The following KMT2E variants were observed in gnomAD, a reference collection of about 807,000 sequenced individuals.
The protein encoded by KMT2E is lysine methyltransferase 2E (inactive), also known as histone reader KMT2E.
Under a neutral mutation model 184.6 loss-of-function variants are expected in KMT2E, and 30 were observed. The observed-to-expected ratio is 0.16, with a 90% CI of 0.12 to 0.22. KMT2E has a LOEUF of 0.22. Among genes scored for constraint, KMT2E ranks in the 10% least tolerant of loss-of-function variants. The pLI is 1.00. For synonymous variants in KMT2E, 815 were observed against 776.5 expected, an observed-to-expected ratio of 1.05 and a Z score of -0.82; for missense variants, 2,023 against 2,237.4, an observed-to-expected ratio of 0.90 and a Z score of 1.93.
At chr7:105,084,879 T>C (rs956785457) in intron 13 of KMT2E, among the ~76,000 whole-genome samples, 14 of 152,296 alleles carry the variant, frequency 9.2e-5, no homozygotes, top group African/African-American at 3.4e-4. Flanking sequence ...TTTAATAATA[T>C]GTCTTTACAT....
At chr7:105,029,395 G>T (rs1453766307) in intron 1 of KMT2E, among the ~76,000 whole-genome samples, 1 of 152,214 alleles carries the variant, frequency 6.6e-6, no homozygotes, top group Non-Finnish European at 1.5e-5. Flanking sequence ...TTAAATGAAT[G>T]AATTTGATTT....
rs1799486468 is a variant in KMT2E at position 105,114,155 on chromosome 7, T to C, written c.*822T>C. The stretch of plus-strand genomic sequence containing the variant: ...CTACAGAAGTTCTAGTTTTCAAATA[T>C]AGATTGTAAGGAGCCTTCAATTTTC... On this transcript the variant is annotated 3_prime_UTR_variant, in exon 27 of 27. Coordinates refer to ENST00000311117, the MANE Select transcript of KMT2E (RefSeq NM_182931.3). 1 of 152,360 alleles carries C rather than the reference T, an allele frequency of 6.6e-6. No homozygotes were observed. Among genetic ancestry groups the C allele is most frequent in the South Asian group, 2.1e-4 (1 of 4,828 alleles). 9.4% of individuals were successfully genotyped at this position (152,360 alleles called of 1,614,324 possible). A position where few individuals can be genotyped will look rare whatever the true frequency, so the allele number is the denominator to read the frequency against.
chr7:105,111,061 C>G (rs1268364838), intron 26 of KMT2E, 193 bp downstream of exon 26: 3 of 566,874 alleles, frequency 5.3e-6, no homozygotes, highest in Non-Finnish European at 9.3e-6. Context: ...ATGGATAACT[C>G]TGACCAAACA....
Position 105,110,887 on chromosome 7 carries a change from C to A in KMT2E, c.4068+19C>A. ...GAGCAAGGTAATAACATTGACCTTT[C>A]GATGGGTTCCAAAGGACTTTAGGTT... On this transcript the variant is annotated intron_variant, in intron 26 of 26. Coordinates refer to ENST00000311117, the MANE Select transcript of KMT2E (RefSeq NM_182931.3). 6.4e-7 allele frequency: 1 copy of A among 1,550,694 alleles called. No individual in the cohort carries two copies. Among genetic ancestry groups the A allele is most frequent in the Non-Finnish European group, 8.9e-7 (1 of 1,122,388 alleles).
At position 105,112,261 on chromosome 7, in the gene KMT2E, C is replaced by T. The variant is rs955942033; in HGVS notation, c.4505C>T (p.Ala1502Val). Reference protein sequence around the residue: ...QREPQRNFYPAAQNLPANTQQ... With the variant: ...QREPQRNFYPVAQNLPANTQQ... ...GAGCCTCAAAGAAACTTTTATCCAGCAGCACAGAACCTTCCAGCCAATACT... is the reference window on the plus strand; with the variant it reads ...GAGCCTCAAAGAAACTTTTATCCAGTAGCACAGAACCTTCCAGCCAATACT... The change falls in exon 27 of 27, where the codon GCA becomes GTA. Residue 1502 changes from alanine (A) to valine (V), a missense_variant. By Grantham distance (64) the Ala-to-Val change is moderately conservative. Transcript: ENST00000311117. 1 of 1,614,142 alleles carries T rather than the reference C, an allele frequency of 6.2e-7. No individual in the cohort carries two copies. The highest frequency in any genetic ancestry group is 1.7e-5 in the Admixed American group (1 of 60,024).
intron 3 of KMT2E, among the ~76,000 whole-genome samples, chr7:105,048,040 G>A (rs1796179572): frequency 6.6e-6 from 1 of 151,780 alleles, no homozygotes; most frequent in East Asian, 1.9e-4. Context: ...TTTTTTTTGG[G>A]GGGTGGATAG....
intron 1 of KMT2E, among the ~76,000 whole-genome samples, chr7:105,016,072 ATAAG>A (rs1268509116): frequency 1.6e-4 from 24 of 152,242 alleles, no homozygotes. Flanking sequence ...TAGTAACTGT[ATAAG>A]TATCATCTAT....
chr7:105,110,895 TCCAAAGGA>T, intron 26 of KMT2E, 27 bp downstream of exon 26: 3 of 1,509,580 alleles, frequency 2.0e-6, no homozygotes, highest in Non-Finnish European at 2.8e-6. Flanking sequence ...TTCGATGGGT[TCCAAAGGA>T]CTTTAGGTTG....
chr7:105,104,255 C>G (rs916325050), intron 17 of KMT2E: 1 of 151,924 alleles, frequency 6.6e-6, no homozygotes, highest in Non-Finnish European at 1.5e-5. Flanking sequence ...TTCATATAGC[C>G]AATAGAGACT....
chr7:105,072,578 A>C (rs1797367492), intron 6 of KMT2E, among the ~76,000 whole-genome samples: 1 of 152,212 alleles, frequency 6.6e-6, no homozygotes, highest in Non-Finnish European at 1.5e-5. Flanking sequence ...TAAAAGAATT[A>C]CTATGGATGA....
chr7:105,043,382 G>A (rs1184826398), intron 3 of KMT2E, among the ~76,000 whole-genome samples: 1 of 149,714 alleles, frequency 6.7e-6, no homozygotes, highest in Non-Finnish European at 1.5e-5. Context: ...GACTACAGGC[G>A]CCCGCCACTA....
Position 105,113,418 on chromosome 7 carries a change from T to A in KMT2E, c.*85T>A. 1 of 1,384,734 alleles carries A rather than the reference T, an allele frequency of 7.2e-7. No individual in the cohort carries two copies. Among genetic ancestry groups the A allele is most frequent in the South Asian group, 1.5e-5 (1 of 66,312 alleles). The allele number at this position is 1,384,734 out of a possible 1,614,324, so 85.8% of individuals were successfully genotyped here. ...TACCTGTTAAGGTACTTTTTAAAGC[T>A]TGTACATGAACCTTTGTATAAAAAA... On this transcript the variant is annotated 3_prime_UTR_variant, in exon 27 of 27. Coordinates refer to ENST00000311117, the MANE Select transcript of KMT2E (RefSeq NM_182931.3).
chr7:105,024,604 A>G (rs1239577915), intron 1 of KMT2E, among the ~76,000 whole-genome samples: 2 of 152,152 alleles, frequency 1.3e-5, no homozygotes, highest in Non-Finnish European at 2.9e-5. Flanking sequence ...TTGAATTTGC[A>G]TTTTAGTACT....
chr7:105,077,497 AC>A (rs1270917852), intron 11 of KMT2E, 64 bp downstream of exon 11: 20 of 1,284,960 alleles, frequency 1.6e-5, no homozygotes, highest in Non-Finnish European at 2.1e-5. Flanking sequence ...TGGCTGTTTT[AC>A]CTAGATGTTG....
chr7:105,037,403 G>T (rs1795704606), intron 1 of KMT2E, among the ~76,000 whole-genome samples: 1 of 151,700 alleles, frequency 6.6e-6, no homozygotes, highest in Non-Finnish European at 1.5e-5. Flanking sequence ...CCCTCTGTCA[G>T]CCAGGCTGGA....
intron 3 of KMT2E, among the ~76,000 whole-genome samples, chr7:105,059,514 C>T (rs1320008114): frequency 6.6e-6 from 1 of 152,062 alleles, no homozygotes; most frequent in Non-Finnish European, 1.5e-5. Context: ...AGAAATACTA[C>T]CATTTATGCA....
intron 1 of KMT2E, among the ~76,000 whole-genome samples, chr7:105,033,596 T>C (rs1479053335): frequency 6.6e-6 from 1 of 152,226 alleles, no homozygotes; most frequent in Non-Finnish European, 1.5e-5. Flanking sequence ...CCTCCTGGGT[T>C]CATGCCATTC....
intron 15 of KMT2E, among the ~76,000 whole-genome samples, chr7:105,098,591 C>G (rs1407375411): frequency 2.0e-5 from 3 of 152,082 alleles, no homozygotes; most frequent in African/African-American, 7.2e-5. Flanking sequence ...TTAGTAAAGA[C>G]AGGGTTTCAC....
In KMT2E at chr7:105,074,749, C is replaced by G. The variant is rs1797457827; in HGVS notation, c.663C>G (p.Ser221=). 1 of 1,608,974 alleles carries G rather than the reference C, an allele frequency of 6.2e-7. No individual in the cohort carries two copies. Among genetic ancestry groups the G allele is most frequent in the African/African-American group, 1.3e-5 (1 of 74,588 alleles). Residue 221 remains serine (S), a synonymous_variant, in exon 8 of 27, where the codon TCC becomes TCG. Coordinates refer to ENST00000311117, the MANE Select transcript of KMT2E (RefSeq NM_182931.3). ...TTACTTTAACTGCTTCAAGAGTTTC[C>G]AAAGTTAATGATAAAAGAAGGAAAA... is the stretch of plus-strand genomic sequence containing the variant. ...TSITLTASRV[S]KVNDKRRKKS... is the part of the protein sequence containing the mutation.
Sources: allele counts gnomAD v4.1 joint callset (sites outside exome capture counted in the v4.1 genomes callset), GRCh38; gene constraint gnomAD v4.1.1; transcripts MANE v1.5; gene names NCBI Gene and HGNC (gene_info 2026-07-23, HGNC 2026-07-21).